AKAP13: variants seen among roughly 807,000 people sequenced by gnomAD.
AKAP13 encodes the protein A-kinase anchor protein 13.
In AKAP13, 80 loss-of-function variants were observed where a neutral mutation model predicts 264.5. The observed-to-expected ratio is 0.30, with a 90% CI of 0.25 to 0.36. AKAP13 has a LOEUF of 0.36. Ranked by LOEUF, AKAP13 falls within the 10% of genes least tolerant of loss-of-function variation. AKAP13 has a pLI of 1.00. For synonymous variants in AKAP13, 1,380 were observed against 1,250.2 expected, an observed-to-expected ratio of 1.10 and a Z score of -2.19; for missense variants, 3,712 against 3,435.2, an observed-to-expected ratio of 1.08 and a Z score of -2.01.
At chr15:85,544,577 A>C (rs1389367083) in intron 5 of AKAP13, among the ~76,000 whole-genome samples, 1 of 152,202 alleles carries the variant, frequency 6.6e-6, no homozygotes, top group African/African-American at 2.4e-5. Flanking sequence ...TGACTCTTTA[A>C]AGAGTTCTCT....
chr15:85,663,234 C>G (rs557779008), intron 12 of AKAP13, among the ~76,000 whole-genome samples: 1 of 150,802 alleles, frequency 6.6e-6, no homozygotes, highest in African/African-American at 2.4e-5. Flanking sequence ...CACTTGAATC[C>G]GGGAGATGGA....
At chr15:85,736,221 T>C (rs2088486698) in intron 33 of AKAP13, 87 bp downstream of exon 33, 26 of 1,151,580 alleles carry the variant, frequency 2.3e-5, no homozygotes, top group South Asian at 6.9e-5. Context: ...TTTTTTTTTC[T>C]TTTTGCTGTT....
At chr15:85,521,403 C>T in intron 2 of AKAP13, 25 bp from the exon 3 acceptor site, 1 of 1,610,520 alleles carries the variant, frequency 6.2e-7, no homozygotes, top group Admixed American at 1.7e-5. Flanking sequence ...CTAATGTAAA[C>T]TTGCTATATT....
At chr15:85,476,128 A>G (rs2075156138) in intron 1 of AKAP13, among the ~76,000 whole-genome samples, 1 of 152,228 alleles carries the variant, frequency 6.6e-6, no homozygotes, top group Non-Finnish European at 1.5e-5. Flanking sequence ...AACATGAGCA[A>G]AGACTTGAGG....
intron 11 of AKAP13, 94 bp from the exon 12 acceptor site, chr15:85,658,443 G>A: frequency 1.9e-6 from 2 of 1,037,892 alleles, no homozygotes; most frequent in Admixed American, 1.8e-5. Context: ...TTTGAGCAGT[G>A]TCTCTCTCCC....
intron 1 of AKAP13, among the ~76,000 whole-genome samples, chr15:85,433,983 G>T (rs1317872562): frequency 6.6e-6 from 1 of 151,790 alleles, no homozygotes; most frequent in East Asian, 1.9e-4. Context: ...CAAGATGGCC[G>T]AATAGGAACA....
chr15:85,719,035 A>G, intron 22 of AKAP13, 41 bp from the exon 23 acceptor site: 1 of 1,606,590 alleles, frequency 6.2e-7, no homozygotes, highest in South Asian at 1.1e-5. Flanking sequence ...GAATGCTTAT[A>G]AAAGAGTGTT....
chr15:85,471,148 C>T (rs960497094), intron 1 of AKAP13, among the ~76,000 whole-genome samples: 7 of 152,170 alleles, frequency 4.6e-5, no homozygotes, highest in African/African-American at 1.7e-4. Context: ...CAAAGCATTA[C>T]AGCATTATAA....
At chr15:85,693,633 T>C (rs2085410468) in intron 17 of AKAP13, among the ~76,000 whole-genome samples, 182 bp downstream of exon 17, 1 of 152,200 alleles carries the variant, frequency 6.6e-6, no homozygotes, top group South Asian at 2.1e-4. Context: ...ACAGCCTATA[T>C]TTTTTTCAGA....
At chr15:85,417,362 T>C (rs1419513462) in intron 1 of AKAP13, among the ~76,000 whole-genome samples, 1 of 152,232 alleles carries the variant, frequency 6.6e-6, no homozygotes, top group African/African-American at 2.4e-5. Context: ...AAGGAATCTT[T>C]CTGATACTCA....
rs187822708 is a variant in AKAP13 at position 85,703,720 on chromosome 15, G to A, written c.5465-4299G>A. Among the ~76,000 whole-genome samples the A allele has an allele frequency of 9.9e-5, 15 of 152,056 alleles. No homozygotes were observed. The East Asian group carries it at 2.3e-3, about 23-fold the overall frequency. ...TAGTCAGGCGTAGTGGCATGGACCGGTAATCCCAGCTACTCAGGAGGCTGA... is the reference window on the plus strand; with the variant it reads ...TAGTCAGGCGTAGTGGCATGGACCGATAATCCCAGCTACTCAGGAGGCTGA... On this transcript the variant is annotated intron_variant, in intron 17 of 36. Coordinates refer to ENST00000394518, the MANE Select transcript of AKAP13 (RefSeq NM_007200.5).
rs1430224711 is a variant in AKAP13 at position 85,745,472 on chromosome 15, T to G, written c.*795T>G. 1 of 152,086 alleles carries G rather than the reference T, an allele frequency of 6.6e-6. No homozygotes were observed. Among genetic ancestry groups the G allele is most frequent in the Non-Finnish European group, 1.5e-5 (1 of 68,018 alleles). 9.4% of individuals were successfully genotyped at this position (152,086 alleles called of 1,614,324 possible). ...ATCAGATCCAGAAGAAATATCCTGGTTTTCCAGCATGTTTACCCACATGTT... is the reference window on the plus strand; with the variant it reads ...ATCAGATCCAGAAGAAATATCCTGGGTTTCCAGCATGTTTACCCACATGTT... On this transcript the variant is annotated 3_prime_UTR_variant, in exon 37 of 37. Transcript: ENST00000394518.
chr15:85,726,976 C>G, intron 27 of AKAP13, 90 bp from the exon 28 acceptor site: 2 of 1,408,986 alleles, frequency 1.4e-6, no homozygotes, highest in Non-Finnish European at 2.0e-6. Flanking sequence ...GCTTTTTTAA[C>G]AGCATCTGGT....
At chr15:85,537,864 C>A (rs542747961) in intron 4 of AKAP13, among the ~76,000 whole-genome samples, 16 of 152,260 alleles carry the variant, frequency 1.1e-4, no homozygotes, top group African/African-American at 3.9e-4. Context: ...TTACTTGTTA[C>A]AAAAATTAAT....
chr15:85,492,579 T>C (rs4842887), intron 2 of AKAP13, among the ~76,000 whole-genome samples: 77,446 of 152,068 alleles, frequency 0.51, 20,275 homozygotes, highest in Middle Eastern at 0.61. Flanking sequence ...TTCCTAAGAA[T>C]GAAGACATTC....
intron 23 of AKAP13, among the ~76,000 whole-genome samples, chr15:85,721,336 C>G (rs983325629): frequency 6.6e-6 from 1 of 152,170 alleles, no homozygotes; most frequent in African/African-American, 2.4e-5. Context: ...ATCCTTCTTT[C>G]CAGTTTTTTG....
chr15:85,579,760 A>C lies in AKAP13; in HGVS notation c.1692A>C (p.Lys564Asn). The change falls in exon 7 of 37, where the codon AAA becomes AAC. Residue 564 changes from lysine to asparagine, a missense_variant. By Grantham distance (94) the Lys-to-Asn change is moderately conservative. Coordinates refer to ENST00000394518, the MANE Select transcript of AKAP13 (RefSeq NM_007200.5). The part of the protein sequence containing the change: ...AFSNEETSTE[K>N]TAETETSRSR... ...GTAATGAAGAAACCTCCACTGAAAAAACAGCAGAAACGGAAACTTCACGAA... is the reference window on the plus strand; with the variant it reads ...GTAATGAAGAAACCTCCACTGAAAACACAGCAGAAACGGAAACTTCACGAA... 2 of 1,614,240 alleles carry C rather than the reference A, an allele frequency of 1.2e-6. No homozygotes were observed. The highest frequency in any genetic ancestry group is 1.7e-6 in the Non-Finnish European group (2 of 1,180,040).
intron 14 of AKAP13, among the ~76,000 whole-genome samples, chr15:85,679,435 G>A (rs1293219028): frequency 6.6e-6 from 1 of 152,164 alleles, no homozygotes; most frequent in African/African-American, 2.4e-5. Flanking sequence ...TGTGTGGGCA[G>A]GGAGAACCAA....
chr15:85,516,626 T>C (rs1304150139), intron 2 of AKAP13, among the ~76,000 whole-genome samples: 2 of 152,152 alleles, frequency 1.3e-5, no homozygotes, highest in Non-Finnish European at 2.9e-5. Flanking sequence ...CGGCCTTCCT[T>C]GGTCCTCCCT....
Sources: allele counts gnomAD v4.1 joint callset (sites outside exome capture counted in the v4.1 genomes callset), GRCh38; gene constraint gnomAD v4.1.1; transcripts MANE v1.5; gene names NCBI Gene and HGNC (gene_info 2026-07-23, HGNC 2026-07-21).